Variants in BRD10 observed in about 807,000 individuals in gnomAD.
BRD10 encodes bromodomain containing 10, also known as uncharacterized bromodomain-containing protein 10.
the BRD10 span, among the ~76,000 whole-genome samples, chr9:5,956,896 A>G: frequency 1.3e-5 from 2 of 152,132 alleles, no homozygotes; most frequent in Admixed American, 6.5e-5. Flanking sequence ...TTTAGCACAC[A>G]TAAGTTCTAA....
At chr9:5,898,556 A>T in the BRD10 span, among the ~76,000 whole-genome samples, 1 of 152,084 alleles carries the variant, frequency 6.6e-6, no homozygotes, top group African/African-American at 2.4e-5. Flanking sequence ...CTTTGGTTCT[A>T]CTCATAGCAG....
At chr9:6,007,106 C>T in the BRD10 span, 2 of 1,370,640 alleles carry the variant, frequency 1.5e-6, no homozygotes, top group Non-Finnish European at 1.0e-6. Flanking sequence ...AGCGCCGCCC[C>T]CAGGCCCCTG....
chr9:5,981,749 T>C, the BRD10 span, among the ~76,000 whole-genome samples: 1 of 152,112 alleles, frequency 6.6e-6, no homozygotes, highest in Non-Finnish European at 1.5e-5. Context: ...AAAACGTCCA[T>C]CTCTTCTGGA....
At chr9:5,955,468 TATATAA>T in the BRD10 span, among the ~76,000 whole-genome samples, 5 of 152,360 alleles carry the variant, frequency 3.3e-5, no homozygotes, top group South Asian at 2.1e-4. Flanking sequence ...AACATTTTCC[TATATAA>T]ATATAATCAT....
chr9:5,941,190 T>G, the BRD10 span, among the ~76,000 whole-genome samples: 1 of 151,468 alleles, frequency 6.6e-6, no homozygotes, highest in African/African-American at 2.4e-5. Context: ...AGCAATACTA[T>G]CTAACAAATT....
chr9:5,946,818 C>A, the BRD10 span, among the ~76,000 whole-genome samples: 1 of 150,164 alleles, frequency 6.7e-6, no homozygotes, highest in African/African-American at 2.4e-5. Context: ...AAGACATATA[C>A]CCCTAGAACT....
the BRD10 span, among the ~76,000 whole-genome samples, chr9:5,943,094 C>G: frequency 6.6e-6 from 1 of 152,234 alleles, no homozygotes; most frequent in East Asian, 1.9e-4. Flanking sequence ...CCAAGTTGGT[C>G]TCGAGCTCCT....
the BRD10 span, chr9:6,008,312 C>A: frequency 1.0e-6 from 1 of 985,020 alleles, no homozygotes; most frequent in Non-Finnish European, 1.2e-6. Context: ...GGAGGCGGTG[C>A]ACGGACGGGG....
the BRD10 span, among the ~76,000 whole-genome samples, chr9:5,972,877 T>C: frequency 1.3e-5 from 2 of 152,170 alleles, no homozygotes; most frequent in Non-Finnish European, 2.9e-5. Context: ...ATCTTTAATA[T>C]ACTCAGAAAA....
chr9:5,969,295 A>G, the BRD10 span: 1 of 1,613,932 alleles, frequency 6.2e-7, no homozygotes, highest in Non-Finnish European at 8.5e-7. Context: ...GCTGAGCTAA[A>G]CAAAGGAAAT....
the BRD10 span, among the ~76,000 whole-genome samples, chr9:5,953,724 G>A: frequency 6.6e-6 from 1 of 150,996 alleles, no homozygotes; most frequent in Non-Finnish European, 1.5e-5. Context: ...ATACTATATA[G>A]TATATATATA....
chr9:5,985,771 G>A, the BRD10 span, among the ~76,000 whole-genome samples: 2 of 136,424 alleles, frequency 1.5e-5, no homozygotes, highest in Non-Finnish European at 3.2e-5. Flanking sequence ...GGCAACAACA[G>A]CAAAACTCCG....
the BRD10 span, among the ~76,000 whole-genome samples, chr9:5,918,163 T>C: frequency 6.6e-6 from 1 of 152,152 alleles, no homozygotes; most frequent in Non-Finnish European, 1.5e-5. Context: ...ACTTAGAGCA[T>C]AAATAGCGGT....
chr9:5,996,167 A>T, the BRD10 span, among the ~76,000 whole-genome samples: 1 of 152,220 alleles, frequency 6.6e-6, no homozygotes, highest in African/African-American at 2.4e-5. Context: ...AAATAAATAC[A>T]TATATAAAAA....
chr9:5,882,040 C>A, the BRD10 span, among the ~76,000 whole-genome samples: 25 of 152,314 alleles, frequency 1.6e-4, no homozygotes, highest in African/African-American at 5.8e-4. Flanking sequence ...CTCCCGGCAA[C>A]CTTCCATAGT....
At chr9:5,999,573 T>C in the BRD10 span, among the ~76,000 whole-genome samples, 1 of 152,122 alleles carries the variant, frequency 6.6e-6, no homozygotes, top group Admixed American at 6.6e-5. Flanking sequence ...TCCCGAATAT[T>C]AGCACAGCAT....
chr9:5,941,578 G>A, the BRD10 span, among the ~76,000 whole-genome samples: 3 of 152,046 alleles, frequency 2.0e-5, no homozygotes, highest in Non-Finnish European at 4.4e-5. Flanking sequence ...AGTGAACTGC[G>A]TATAAATTTC....
At chr9:6,008,177 AG>A in the BRD10 span, 3 of 970,206 alleles carry the variant, frequency 3.1e-6, no homozygotes, top group Non-Finnish European at 3.7e-6. Flanking sequence ...GGGGGCTGGG[AG>A]GGGGCGAGGA....
At chr9:5,883,192 C>T in the BRD10 span, among the ~76,000 whole-genome samples, 946 of 152,190 alleles carry the variant, frequency 6.2e-3, 6 homozygotes, top group African/African-American at 0.013. Flanking sequence ...CCCTTGTCTT[C>T]CTTTACTTCC....
Sources: gnomAD v4.1 joint callset for allele counts (sites outside exome capture counted in the v4.1 genomes callset) on GRCh38, gnomAD v4.1.1 for gene constraint, MANE v1.5 for transcripts, NCBI Gene and HGNC (gene_info 2026-07-23, HGNC 2026-07-21) for gene names.